Variants in DNAH9 observed in about 807,000 individuals in gnomAD.
DNAH9 encodes the protein DNAH9 variant protein.
A neutral mutation model predicts 471.6 loss-of-function variants in DNAH9; 345 were observed. That is an observed-to-expected ratio of 0.73 (90% CI 0.67 to 0.80). The LOEUF (loss-of-function observed/expected upper bound fraction) is 0.80, where lower values mean the gene tolerates loss of function less well. Among genes scored for constraint, DNAH9 ranks in the 30% least tolerant of loss-of-function variants. DNAH9 has a pLI of 0.00. For missense variants in DNAH9, 5,407 were observed against 5,609.2 expected (o/e 0.96, Z 1.15); for synonymous variants, 2,093 against 2,123.6 (o/e 0.99, Z 0.40).
intron 41 of DNAH9, among the ~76,000 whole-genome samples, chr17:11,786,826 C>T (rs1968889581): frequency 1.3e-5 from 2 of 152,134 alleles, no homozygotes; most frequent in Admixed American, 6.5e-5. Context: ...GTTCCCCTGG[C>T]CTGTTTCTCT....
intron 43 of DNAH9, 65 bp from the exon 44 acceptor site, chr17:11,807,667 T>TC: frequency 6.5e-7 from 1 of 1,538,130 alleles, no homozygotes; most frequent in African/African-American, 1.4e-5. Context: ...ACTCAAGCCT[T>TC]TATACATGCT....
At chr17:11,851,154 A>G (rs1971409573) in intron 49 of DNAH9, among the ~76,000 whole-genome samples, 1 of 151,880 alleles carries the variant, frequency 6.6e-6, no homozygotes, top group African/African-American at 2.4e-5. Context: ...CTTGTCACCC[A>G]GGCTGGAGTG....
chr17:11,655,995 G>A (rs1489147594), intron 14 of DNAH9, among the ~76,000 whole-genome samples: 1 of 151,890 alleles, frequency 6.6e-6, no homozygotes, highest in Non-Finnish European at 1.5e-5. Flanking sequence ...CCATATTTTT[G>A]CAATTGCAAA....
At chr17:11,766,386 AC>A (rs774004225) in intron 36 of DNAH9, among the ~76,000 whole-genome samples, 107 of 152,192 alleles carry the variant, frequency 7.0e-4, no homozygotes, top group Non-Finnish European at 7.2e-4. Flanking sequence ...TAGAGAAAAC[AC>A]CAGATTGTGA....
At chr17:11,955,035 G>T (rs1975568031) in intron 67 of DNAH9, among the ~76,000 whole-genome samples, 1 of 152,092 alleles carries the variant, frequency 6.6e-6, no homozygotes, top group Admixed American at 6.5e-5. Flanking sequence ...GAGAGAAATA[G>T]AAGCATATTG....
chr17:11,884,451 A>C (rs960294245), intron 56 of DNAH9: 3 of 383,880 alleles, frequency 7.8e-6, no homozygotes, highest in Non-Finnish European at 1.6e-5. Context: ...AGGGCATTGG[A>C]GATATTGGCC....
intron 49 of DNAH9, among the ~76,000 whole-genome samples, chr17:11,848,394 A>G (rs1362874872): frequency 6.6e-6 from 1 of 152,052 alleles, no homozygotes; most frequent in Non-Finnish European, 1.5e-5. Flanking sequence ...TCTTATTTTT[A>G]ATCTATCCTT....
intron 45 of DNAH9, among the ~76,000 whole-genome samples, chr17:11,817,078 A>G (rs1567822696): frequency 1.3e-5 from 2 of 151,562 alleles, no homozygotes; most frequent in Non-Finnish European, 2.9e-5. Flanking sequence ...AATAATAATA[A>G]TGTTTCCGAA....
At chr17:11,925,237 G>A (rs545212498) in intron 62 of DNAH9, 10 of 452,686 alleles carry the variant, frequency 2.2e-5, no homozygotes, top group African/African-American at 1.0e-4. Flanking sequence ...ACAAAAGGCC[G>A]GTGGGTCAAG....
rs750859034 is a variant in DNAH9, at chr17:11,644,701, T to G, written c.1970+2T>G. 1 of 1,609,516 alleles carries G rather than the reference T, an allele frequency of 6.2e-7. No homozygotes were observed. Among genetic ancestry groups the G allele is most frequent in the Non-Finnish European group, 8.5e-7 (1 of 1,176,812 alleles). On this transcript the variant is annotated splice_donor_variant, in intron 11 of 68. Transcript: ENST00000262442. LOFTEE classifies it high-confidence loss of function. ...AGATATGCTGTCATTGCTAGAAAAG[T>G]AAGCAACTTCTGGCATTGCGTGGGT...
intron 14 of DNAH9, among the ~76,000 whole-genome samples, chr17:11,661,211 A>G (rs191236960): frequency 6.6e-5 from 10 of 151,252 alleles, no homozygotes; most frequent in East Asian, 1.9e-4. Flanking sequence ...TTTGAAATCT[A>G]TTTTTTTCTG....
intron 60 of DNAH9, 44 bp from the exon 61 acceptor site, chr17:11,905,617 G>A (rs1973568725): frequency 6.3e-7 from 1 of 1,577,582 alleles, no homozygotes. Flanking sequence ...CCATTTTGTG[G>A]CTGCTATATA....
At chr17:11,915,528 AACAAAC>A (rs1221236690) in intron 61 of DNAH9, among the ~76,000 whole-genome samples, 2 of 151,864 alleles carry the variant, frequency 1.3e-5, no homozygotes, top group East Asian at 1.9e-4. Flanking sequence ...CTCAAAAACA[AACAAAC>A]ACAAACACAC....
At chr17:11,930,313 T>C (rs942512633) in intron 63 of DNAH9, among the ~76,000 whole-genome samples, 2 of 152,120 alleles carry the variant, frequency 1.3e-5, no homozygotes, top group Non-Finnish European at 2.9e-5. Context: ...GACATTTCTT[T>C]GGCAAGAGAT....
Position 11,617,447 on chromosome 17 carries a change from T to A in DNAH9, c.941T>A (p.Ile314Lys), listed in dbSNP as rs201122944. Reference protein sequence around the residue: ...AEAQDIHVHLIPLQRHLEALE... With the variant: ...AEAQDIHVHLKPLQRHLEALE... ...GCACAGGACATCCATGTGCACCTGATACCGCTCCAGCGCCACCTGGAAGCT... is the reference window on the plus strand; with the variant it reads ...GCACAGGACATCCATGTGCACCTGAAACCGCTCCAGCGCCACCTGGAAGCT... Residue 314 changes from isoleucine to lysine, a missense_variant, in exon 5 of 69, where the codon ATA becomes AAA. Physicochemically the swap from Ile to Lys is moderately radical, Grantham distance 102 (BLOSUM62 -3). Around this residue, in one of 3 missense-constraint regions of DNAH9, gnomAD observed 767 missense variants for 692.5 expected, o/e 1.11. Transcript: ENST00000262442. 1.2e-6 allele frequency: 2 copies of A among 1,614,162 alleles called. No homozygotes were observed. The highest frequency in any genetic ancestry group is 2.7e-5 in the African/African-American group (2 of 75,060).
At chr17:11,759,710 A>G (rs1967582338) in intron 35 of DNAH9, among the ~76,000 whole-genome samples, 1 of 138,084 alleles carries the variant, frequency 7.2e-6, no homozygotes, top group Non-Finnish European at 1.6e-5. Context: ...TTTTTTGGTC[A>G]GAGTCTCGCT....
At chr17:11,759,379 T>C (rs182639406) in intron 35 of DNAH9, among the ~76,000 whole-genome samples, 4 of 152,282 alleles carry the variant, frequency 2.6e-5, no homozygotes, top group African/African-American at 9.6e-5. Flanking sequence ...ATGCAGTTTT[T>C]GACTATCCAT....
intron 8 of DNAH9, 33 bp from the exon 9 acceptor site, chr17:11,636,601 T>G (rs1224951393): frequency 1.3e-6 from 2 of 1,599,510 alleles, no homozygotes; most frequent in Non-Finnish European, 1.7e-6. Flanking sequence ...AATCTGTGAT[T>G]TTTTTCCTCT....
At chr17:11,691,707 G>A (rs2074334667) in intron 20 of DNAH9, among the ~76,000 whole-genome samples, 1 of 152,130 alleles carries the variant, frequency 6.6e-6, no homozygotes, top group Non-Finnish European at 1.5e-5. Context: ...AGATATTTCA[G>A]ATACTTCTGC....
Sources: gnomAD v4.1 joint callset for allele counts (sites outside exome capture counted in the v4.1 genomes callset) on GRCh38, gnomAD v4.1.1 for gene constraint, gnomAD v4.1.1 regional missense constraint, MANE v1.5 for transcripts, NCBI Gene and HGNC (gene_info 2026-07-23, HGNC 2026-07-21) for gene names.